The following RANBP2 variants were observed in gnomAD, a reference collection of about 807,000 sequenced individuals.
The protein encoded by RANBP2 is E3 SUMO-protein ligase RanBP2.
In RANBP2, 57 loss-of-function variants were observed where a neutral mutation model predicts 303.6. That is an observed-to-expected ratio of 0.19 (90% CI 0.15 to 0.23). The LOEUF is 0.23. RANBP2 is among the 10% of genes least tolerant of loss of function. The pLI, the probability that RANBP2 is intolerant of heterozygous loss-of-function variation, is 1.00. For synonymous variants in RANBP2, 1,167 were observed against 1,301.5 expected (o/e 0.90, Z 2.23); for missense variants, 3,138 against 3,780.8 (o/e 0.83, Z 4.46).
Position 108,782,783 on chromosome 2 carries a change from G to GA in RANBP2, c.9291dup (p.Ala3098SerfsTer34), listed in dbSNP as rs1228169998. ...GTTCCTCGGACTGCTGAGAACTTCAGAGCACTATGCACTGGAGAGAAAGGC... is the reference window on the plus strand; with the variant it reads ...GTTCCTCGGACTGCTGAGAACTTCAGAAGCACTATGCACTGGAGAGAAAGGC... On this transcript the variant is annotated frameshift_variant, in exon 28 of 29. Transcript: ENST00000283195. LOFTEE classifies it high-confidence loss of function. The GA allele has an allele frequency of 6.2e-7, 1 of 1,614,206 alleles. No individual in the cohort carries two copies. The highest frequency in any genetic ancestry group is 1.3e-5 in the African/African-American group (1 of 75,040).
At chr2:109,690,934 G>A in the RANBP2 span, among the ~76,000 whole-genome samples, 1 of 152,114 alleles carries the variant, frequency 6.6e-6, no homozygotes, top group East Asian at 1.9e-4. Flanking sequence ...TCCTGGCTTT[G>A]TTTTGTGTTT....
the RANBP2 span, chr2:109,129,706 G>C: frequency 1.3e-6 from 2 of 1,536,088 alleles, no homozygotes; most frequent in South Asian, 1.2e-5. Context: ...GGACCTGCTG[G>C]AGTGCTCCGT....
At chr2:109,347,883 A>G in the RANBP2 span, 1 of 1,612,638 alleles carries the variant, frequency 6.2e-7, no homozygotes, top group Non-Finnish European at 8.5e-7. Context: ...CGCCCCAGGG[A>G]AAAGCACTTT....
the RANBP2 span, among the ~76,000 whole-genome samples, chr2:109,166,908 A>C: frequency 1.3e-5 from 2 of 152,240 alleles, no homozygotes; most frequent in African/African-American, 4.8e-5. Context: ...AAAACATGCC[A>C]TTACTGTGTT....
At chr2:109,400,390 A>G in the RANBP2 span, among the ~76,000 whole-genome samples, 2 of 152,112 alleles carry the variant, frequency 1.3e-5, no homozygotes, top group Non-Finnish European at 2.9e-5. Context: ...ACATATACAC[A>G]TGCACGCACA....
At chr2:109,116,094 T>C in the RANBP2 span, among the ~76,000 whole-genome samples, 1 of 152,218 alleles carries the variant, frequency 6.6e-6, no homozygotes, top group African/African-American at 2.4e-5. Context: ...TTGGTGAATC[T>C]GACAATTATG....
intron 4 of RANBP2, 48 bp downstream of exon 4, chr2:108,731,522 C>G: frequency 6.2e-7 from 1 of 1,608,900 alleles, no homozygotes; most frequent in Non-Finnish European, 8.5e-7. Flanking sequence ...ATAACCATTT[C>G]TAATATTTGG....
chr2:108,882,841 A>G, the RANBP2 span: 2 of 152,242 alleles, frequency 1.3e-5, no homozygotes, highest in African/African-American at 4.8e-5. Context: ...AACTGTGTGC[A>G]GATCTGGGAC....
Position 108,784,228 on chromosome 2 carries a change from C to G in RANBP2, c.*327C>G, listed in dbSNP as rs1232357970. On this transcript the variant is annotated 3_prime_UTR_variant, in exon 29 of 29. Coordinates refer to ENST00000283195, the MANE Select transcript of RANBP2 (RefSeq NM_006267.5). Reference sequence around the variant, plus strand: ...GATATATGCAATTTAATTTTAATTCCTTTTAAGATATTTGGACTTCCTGCA... The same window carrying G: ...GATATATGCAATTTAATTTTAATTCGTTTTAAGATATTTGGACTTCCTGCA... The G allele has an allele frequency of 4.8e-6, 1 of 208,316 alleles. No homozygotes were observed. The highest frequency in any genetic ancestry group is 2.3e-5 in the African/African-American group (1 of 42,952). 12.9% of individuals were successfully genotyped at this position (208,316 alleles called of 1,614,324 possible).
At chr2:109,001,922 G>A in the RANBP2 span, among the ~76,000 whole-genome samples, 1 of 151,980 alleles carries the variant, frequency 6.6e-6, no homozygotes, top group African/African-American at 2.4e-5. Flanking sequence ...AGTAGAGACA[G>A]GGTTTCACTG....
the RANBP2 span, among the ~76,000 whole-genome samples, chr2:109,457,820 C>T: frequency 2.3e-4 from 35 of 152,286 alleles, no homozygotes; most frequent in South Asian, 7.0e-3. Context: ...AAGCGCACAC[C>T]CCATAAACTA....
chr2:108,832,173 G>T, the RANBP2 span, among the ~76,000 whole-genome samples: 1,203 of 151,966 alleles, frequency 7.9e-3, 23 homozygotes, highest in African/African-American at 0.027. Flanking sequence ...GGGATTACAG[G>T]TGTACGCCAT....
At chr2:109,355,795 C>G in the RANBP2 span, among the ~76,000 whole-genome samples, 1 of 152,264 alleles carries the variant, frequency 6.6e-6, no homozygotes, top group South Asian at 2.1e-4. Context: ...TATACAAAGC[C>G]CATTTGGTGT....
the RANBP2 span, among the ~76,000 whole-genome samples, chr2:109,412,874 A>T: frequency 6.6e-6 from 1 of 152,218 alleles, no homozygotes; most frequent in African/African-American, 2.4e-5. Flanking sequence ...CACTGTCAGA[A>T]ATTAGATAAG....
chr2:109,233,622 A>G, the RANBP2 span, among the ~76,000 whole-genome samples: 1,106 of 152,028 alleles, frequency 7.3e-3, 9 homozygotes, highest in African/African-American at 0.026. Flanking sequence ...TTGCCGGGGA[A>G]CCACCCTCTT....
At chr2:109,548,340 T>C in the RANBP2 span, among the ~76,000 whole-genome samples, 1 of 152,174 alleles carries the variant, frequency 6.6e-6, no homozygotes, top group South Asian at 2.1e-4. Context: ...ACATTTTAGT[T>C]CTGGGTAGAA....
the RANBP2 span, among the ~76,000 whole-genome samples, chr2:109,230,346 G>C: frequency 1.4e-4 from 21 of 152,098 alleles, no homozygotes; most frequent in Admixed American, 1.2e-3. Context: ...AGAGGCCAAG[G>C]TGGGGGGCTC....
chr2:109,585,323 T>G, the RANBP2 span: 1 of 1,596,146 alleles, frequency 6.3e-7, no homozygotes, highest in South Asian at 1.1e-5. Flanking sequence ...CAGTTTCCCC[T>G]GAAACACACA....
At chr2:109,183,923 C>T in the RANBP2 span, among the ~76,000 whole-genome samples, 1 of 152,230 alleles carries the variant, frequency 6.6e-6, no homozygotes, top group Non-Finnish European at 1.5e-5. Context: ...TGTGCCCCCA[C>T]ACCTACCAGT....
Sources: gnomAD v4.1 joint callset for allele counts (sites outside exome capture counted in the v4.1 genomes callset) on GRCh38, gnomAD v4.1.1 for gene constraint, MANE v1.5 for transcripts, NCBI Gene and HGNC (gene_info 2026-07-23, HGNC 2026-07-21) for gene names.